The following SLC35F1 variants were observed in gnomAD, a reference collection of about 807,000 sequenced individuals.
SLC35F1 encodes solute carrier family 35 member F1.
In SLC35F1, 14 loss-of-function variants were observed where a neutral mutation model predicts 48.7. The observed-to-expected ratio is 0.29, with a 90% CI of 0.19 to 0.45. The LOEUF (loss-of-function observed/expected upper bound fraction) is 0.45. Among genes scored for constraint, SLC35F1 ranks in the 20% least tolerant of loss-of-function variants. SLC35F1 has a pLI of 1.00. For missense variants in SLC35F1, 404 were observed against 500.0 expected (o/e 0.81, Z 1.83); for synonymous variants, 190 against 202.2 (o/e 0.94, Z 0.51).
intron 2 of SLC35F1, among the ~76,000 whole-genome samples, chr6:118,173,576 T>G (rs1414856713): frequency 6.6e-6 from 1 of 152,124 alleles, no homozygotes; most frequent in African/African-American, 2.4e-5. Flanking sequence ...TATACGGTAA[T>G]GCAGGAGAGC....
At chr6:118,268,244 C>T (rs765968965) in intron 4 of SLC35F1, among the ~76,000 whole-genome samples, 22 of 152,122 alleles carry the variant, frequency 1.4e-4, no homozygotes, top group Non-Finnish European at 3.1e-4. Flanking sequence ...ACACAAGGCC[C>T]CCGGCCTCCA....
intron 1 of SLC35F1, among the ~76,000 whole-genome samples, chr6:117,947,693 A>G (rs766214774): frequency 1.3e-5 from 2 of 152,182 alleles, no homozygotes; most frequent in African/African-American, 2.4e-5. Context: ...TTTGTCATCA[A>G]TTATGATAGG....
chr6:118,139,199 A>G (rs205972), intron 1 of SLC35F1, among the ~76,000 whole-genome samples: 121,213 of 152,054 alleles, frequency 0.8, 48,516 homozygotes, highest in South Asian at 0.9. Context: ...TGCAAGCTCC[A>G]TCTCCCGGGT....
At chr6:118,194,815 CT>C (rs1429404703) in intron 2 of SLC35F1, among the ~76,000 whole-genome samples, 1 of 152,170 alleles carries the variant, frequency 6.6e-6, no homozygotes, top group Non-Finnish European at 1.5e-5. Flanking sequence ...TCTAAGTTCT[CT>C]TTCCCTGAAT....
intron 1 of SLC35F1, among the ~76,000 whole-genome samples, chr6:117,972,432 G>A (rs543998235): frequency 4.7e-4 from 72 of 152,302 alleles, no homozygotes; most frequent in Non-Finnish European, 7.5e-4. Flanking sequence ...TATGTTTACA[G>A]CAGTGCCCCC....
chr6:118,307,244 A>G (rs1256005326), intron 7 of SLC35F1, among the ~76,000 whole-genome samples: 1 of 152,162 alleles, frequency 6.6e-6, no homozygotes, highest in Non-Finnish European at 1.5e-5. Context: ...AATTAACATG[A>G]ATTGAGATTC....
intron 1 of SLC35F1, among the ~76,000 whole-genome samples, chr6:118,076,066 A>G (rs1772813422): frequency 1.3e-5 from 2 of 152,106 alleles, no homozygotes; most frequent in Non-Finnish European, 2.9e-5. Context: ...AAAAAAAAAC[A>G]AAACAGAATT....
At position 118,308,500 on chromosome 6, in the gene SLC35F1, G is replaced by A. The variant is rs914596911; in HGVS notation, c.1003-5528G>A. Among the ~76,000 whole-genome samples, 8 of 152,262 alleles carry A rather than the reference G, an allele frequency of 5.3e-5. No homozygotes were observed. The East Asian group carries it at 1.2e-3, about 22-fold the overall frequency. On this transcript the variant is annotated intron_variant, in intron 7 of 7. Coordinates refer to ENST00000360388, the MANE Select transcript of SLC35F1 (RefSeq NM_001029858.4). ...GCTGTGCTACATAACCTTGAGAATGGCCAATCACTGCCAGGTATTTTCCTG... is the reference window on the plus strand; with the variant it reads ...GCTGTGCTACATAACCTTGAGAATGACCAATCACTGCCAGGTATTTTCCTG...
chr6:117,977,042 A>G (rs756133881), intron 1 of SLC35F1, among the ~76,000 whole-genome samples: 5 of 152,180 alleles, frequency 3.3e-5, no homozygotes, highest in Non-Finnish European at 7.3e-5. Flanking sequence ...ACATTTATAC[A>G]TTTATATGCT....
intron 1 of SLC35F1, among the ~76,000 whole-genome samples, chr6:117,998,573 A>C (rs375696354): frequency 1.3e-5 from 2 of 152,116 alleles, no homozygotes; most frequent in African/African-American, 4.8e-5. Flanking sequence ...ATAACAAACT[A>C]TCTCTCAGAC....
chr6:118,220,116 T>A (rs903931265), intron 2 of SLC35F1, among the ~76,000 whole-genome samples: 1 of 151,946 alleles, frequency 6.6e-6, no homozygotes, highest in Non-Finnish European at 1.5e-5. Flanking sequence ...TGTATACATA[T>A]GTAACAAAGC....
chr6:117,949,545 C>T (rs375307415), intron 1 of SLC35F1, among the ~76,000 whole-genome samples: 6 of 152,084 alleles, frequency 3.9e-5, no homozygotes, highest in African/African-American at 1.2e-4. Context: ...TTATGTGAGA[C>T]GCCCTTGTGA....
chr6:117,967,165 C>T (rs549753156), intron 1 of SLC35F1, among the ~76,000 whole-genome samples: 2 of 151,518 alleles, frequency 1.3e-5, no homozygotes, highest in South Asian at 4.2e-4. Flanking sequence ...GTATGAAACA[C>T]ACAAAATAGA....
intron 1 of SLC35F1, among the ~76,000 whole-genome samples, chr6:118,008,227 G>T (rs375942882): frequency 1.1e-4 from 17 of 151,782 alleles, no homozygotes; most frequent in Admixed American, 2.0e-4. Context: ...CCCAAAATAT[G>T]TACAACTGTT....
chr6:118,044,504 C>T (rs957331716), intron 1 of SLC35F1, among the ~76,000 whole-genome samples: 2 of 152,132 alleles, frequency 1.3e-5, no homozygotes. Flanking sequence ...TATGCCTTCA[C>T]TGGGGCCACC....
At chr6:118,123,530 G>A (rs921899945) in intron 1 of SLC35F1, among the ~76,000 whole-genome samples, 1 of 152,072 alleles carries the variant, frequency 6.6e-6, no homozygotes, top group African/African-American at 2.4e-5. Context: ...ACTTTAAAGA[G>A]GTGACTTCTT....
chr6:118,048,684 C>A (rs1772337216), intron 1 of SLC35F1, among the ~76,000 whole-genome samples: 1 of 152,082 alleles, frequency 6.6e-6, no homozygotes, highest in Non-Finnish European at 1.5e-5. Flanking sequence ...TCAAGGAGAA[C>A]TACAAAGCAC....
In SLC35F1 at chr6:118,204,527, T is replaced by C. The variant is rs145995453; in HGVS notation, c.350-30982T>C. 2.7e-4 allele frequency among the ~76,000 whole-genome samples: 41 copies of C among 152,294 alleles called. No individual in the cohort carries two copies. The East Asian group carries it at 7.5e-3, about 28-fold the overall frequency. On this transcript the variant is annotated intron_variant, in intron 2 of 7. Transcript: ENST00000360388. ...CACTAGTCAATTCCTATGTTTATTT[T>C]CTGAAATACGTACAGCTCTCAGGCT... is the stretch of plus-strand genomic sequence containing the variant.
chr6:118,077,600 G>T (rs1322467642), intron 1 of SLC35F1, among the ~76,000 whole-genome samples: 2 of 152,176 alleles, frequency 1.3e-5, no homozygotes, highest in African/African-American at 4.8e-5. Flanking sequence ...GTGTAAAGTA[G>T]TTACTCATGT....
Sources: gnomAD v4.1 joint callset for allele counts (sites outside exome capture counted in the v4.1 genomes callset) on GRCh38, gnomAD v4.1.1 for gene constraint, MANE v1.5 for transcripts, NCBI Gene and HGNC (gene_info 2026-07-23, HGNC 2026-07-21) for gene names.